Variants in PALLD observed in about 807,000 individuals in gnomAD.
The protein encoded by PALLD is palladin, cytoskeletal associated protein.
In PALLD, 61 loss-of-function variants were observed where a neutral mutation model predicts 123.5. The ratio of observed to expected loss-of-function variants is 0.49; its 90% CI spans 0.40 to 0.61. The LOEUF is 0.61. PALLD is among the 20% of genes least tolerant of loss of function. The pLI is 0.00. For missense variants in PALLD, 1,273 were observed against 1,377.0 expected, an observed-to-expected ratio of 0.92 and a Z score of 1.20; for synonymous variants, 465 against 496.4, an observed-to-expected ratio of 0.94 and a Z score of 0.84.
At chr4:168,852,422 T>TGAAAA (rs577112575) in intron 10 of PALLD, among the ~76,000 whole-genome samples, 29 of 152,126 alleles carry the variant, frequency 1.9e-4, no homozygotes, top group Middle Eastern at 3.4e-3. Context: ...GAAGGTAGAA[T>TGAAAA]GAAAAGAAAA....
intron 10 of PALLD, among the ~76,000 whole-genome samples, chr4:168,783,158 G>C (rs901850616): frequency 2.0e-5 from 3 of 151,642 alleles, no homozygotes; most frequent in Non-Finnish European, 4.4e-5. Flanking sequence ...ATACCTTTAA[G>C]TGACTTCCTC....
intron 2 of PALLD, among the ~76,000 whole-genome samples, chr4:168,636,791 C>T (rs1580698028): frequency 6.6e-6 from 1 of 152,258 alleles, no homozygotes; most frequent in African/African-American, 2.4e-5. Flanking sequence ...AAAAGGGCCC[C>T]AGAGAGTGTC....
At chr4:168,746,379 T>A (rs1224863714) in intron 10 of PALLD, among the ~76,000 whole-genome samples, 4 of 11,744 alleles carry the variant, frequency 3.4e-4, no homozygotes, top group East Asian at 5.3e-3. Context: ...AGAACCCGTC[T>A]CAAAAAAAAA....
At chr4:168,904,199 C>A in intron 15 of PALLD, 1 of 358,782 alleles carries the variant, frequency 2.8e-6, no homozygotes, top group Non-Finnish European at 5.2e-6. Context: ...TGGACAAAGT[C>A]CTATGGTAAA....
chr4:168,623,812 T>G (rs1196841600), intron 2 of PALLD, among the ~76,000 whole-genome samples: 1 of 152,186 alleles, frequency 6.6e-6, no homozygotes, highest in Non-Finnish European at 1.5e-5. Context: ...ACAGCAATTA[T>G]GAATACACAT....
intron 10 of PALLD, among the ~76,000 whole-genome samples, chr4:168,796,928 T>C (rs910607618): frequency 8.5e-5 from 13 of 152,176 alleles, no homozygotes; most frequent in African/African-American, 3.1e-4. Flanking sequence ...CTGTCTCTAG[T>C]GAATACAGTT....
At chr4:168,855,082 G>A (rs1748378814) in intron 10 of PALLD, among the ~76,000 whole-genome samples, 3 of 140,802 alleles carry the variant, frequency 2.1e-5, no homozygotes, top group Non-Finnish European at 1.5e-5. Context: ...TGCTGAGAAG[G>A]AATGTTCTTT....
intron 10 of PALLD, among the ~76,000 whole-genome samples, chr4:168,722,313 G>A (rs995181342): frequency 3.9e-5 from 6 of 152,120 alleles, no homozygotes; most frequent in African/African-American, 1.2e-4. Flanking sequence ...ATTATGAGAC[G>A]TGAGCCACCA....
At chr4:168,744,072 A>G (rs2150357820) in intron 10 of PALLD, among the ~76,000 whole-genome samples, 2 of 152,302 alleles carry the variant, frequency 1.3e-5, no homozygotes, top group Middle Eastern at 6.8e-3. Flanking sequence ...AGATGCTAGA[A>G]GCCAGTAAAG....
chr4:168,573,928 C>A (rs924313645), intron 2 of PALLD, among the ~76,000 whole-genome samples: 1 of 150,588 alleles, frequency 6.6e-6, no homozygotes, highest in Non-Finnish European at 1.5e-5. Context: ...AAAACAACTT[C>A]TGGGAAGCAG....
chr4:168,710,959 C>T, intron 9 of PALLD, among the ~76,000 whole-genome samples: 1 of 149,450 alleles, frequency 6.7e-6, no homozygotes, highest in Middle Eastern at 3.2e-3. Context: ...GCCAGGAGCT[C>T]TGCTGGGCTG....
intron 18 of PALLD, among the ~76,000 whole-genome samples, chr4:168,922,102 T>TATACACAC (rs1459158507): frequency 2.3e-5 from 3 of 132,604 alleles, no homozygotes; most frequent in African/African-American, 6.3e-5. Context: ...TATATATATA[T>TATACACAC]ACACACACAC....
chr4:168,755,045 A>G (rs1447884351), intron 10 of PALLD, among the ~76,000 whole-genome samples: 1 of 152,132 alleles, frequency 6.6e-6, no homozygotes, highest in Non-Finnish European at 1.5e-5. Flanking sequence ...ATCCTGGCTA[A>G]CACGGTGAAA....
chr4:168,609,031 A>G (rs1773471632), intron 2 of PALLD, among the ~76,000 whole-genome samples: 1 of 152,088 alleles, frequency 6.6e-6, no homozygotes, highest in Non-Finnish European at 1.5e-5. Flanking sequence ...CAAGGCCTTA[A>G]GAGCATTACC....
chr4:168,594,437 G>A (rs1771776055), intron 2 of PALLD, among the ~76,000 whole-genome samples: 1 of 152,052 alleles, frequency 6.6e-6, no homozygotes, highest in African/African-American at 2.4e-5. Context: ...AAAAACAGAC[G>A]CGTGAGGGGA....
At chr4:168,537,985 C>T (rs1240047509) in intron 2 of PALLD, among the ~76,000 whole-genome samples, 1 of 152,198 alleles carries the variant, frequency 6.6e-6, no homozygotes, top group African/African-American at 2.4e-5. Flanking sequence ...GTGAGAATAA[C>T]CAGTAAGGAA....
intron 10 of PALLD, among the ~76,000 whole-genome samples, chr4:168,888,501 C>T (rs1753680247): frequency 6.6e-6 from 1 of 152,150 alleles, no homozygotes; most frequent in Non-Finnish European, 1.5e-5. Context: ...GGGTTCTCCT[C>T]TTACAGTTAT....
chr4:168,502,524 C>T (rs916538103), intron 1 of PALLD, among the ~76,000 whole-genome samples: 3 of 152,122 alleles, frequency 2.0e-5, no homozygotes, highest in Non-Finnish European at 2.9e-5. Flanking sequence ...GCACTGATTA[C>T]TCTATCAAGT....
chr4:168,649,170 G>A (rs1373277126), intron 2 of PALLD, among the ~76,000 whole-genome samples: 1 of 152,226 alleles, frequency 6.6e-6, no homozygotes, highest in African/African-American at 2.4e-5. Flanking sequence ...CATTCTGCAT[G>A]CGCTCATTTA....
Sources: allele counts gnomAD v4.1 joint callset (sites outside exome capture counted in the v4.1 genomes callset), GRCh38; gene constraint gnomAD v4.1.1; transcripts MANE v1.5; gene names NCBI Gene and HGNC (gene_info 2026-07-23, HGNC 2026-07-21).